The following CUBN variants were observed in gnomAD, a reference collection of about 807,000 sequenced individuals.
The protein encoded by CUBN is cubilin.
In CUBN, 282 loss-of-function variants were observed where a neutral mutation model predicts 405.3. That is an observed-to-expected ratio of 0.70 (90% CI 0.63 to 0.77). CUBN has a LOEUF of 0.77. Among genes scored for constraint, CUBN ranks in the 30% least tolerant of loss-of-function variants. The pLI is 0.00. For missense variants in CUBN, 4,514 were observed against 4,475.2 expected (o/e 1.01, Z -0.25); for synonymous variants, 1,684 against 1,617.0 (o/e 1.04, Z -0.99).
Position 16,877,031 on chromosome 10 carries a change from A to G in CUBN, c.8972T>C (p.Met2991Thr), listed in dbSNP as rs373230571. Residue 2991 changes from methionine to threonine, a missense_variant, in exon 57 of 67, where the codon ATG becomes ACG. Met to Thr is a moderately conservative substitution (Grantham distance 81). Transcript: ENST00000377833. ...GVHIIRGYSV[M>T]STPFATVCGD... ...ACACACAGTAGCAAATGGGGTGGACATGACGCTGTAACCTCTGATAATGTG... is the reference window on the plus strand; with the variant it reads ...ACACACAGTAGCAAATGGGGTGGACGTGACGCTGTAACCTCTGATAATGTG... The G allele has an allele frequency of 3.5e-5, 57 of 1,614,058 alleles. No individual in the cohort carries two copies. Among genetic ancestry groups the G allele is most frequent in the Non-Finnish European group, 4.7e-5 (55 of 1,180,032 alleles).
At chr10:17,048,406 A>G (rs1835187192) in intron 22 of CUBN, among the ~76,000 whole-genome samples, 1 of 152,154 alleles carries the variant, frequency 6.6e-6, no homozygotes, top group Admixed American at 6.5e-5. Flanking sequence ...TGTGTTTATT[A>G]CCACCCACTC....
intron 17 of CUBN, among the ~76,000 whole-genome samples, chr10:17,074,545 A>C (rs563078744): frequency 6.6e-6 from 1 of 152,306 alleles, no homozygotes; most frequent in African/African-American, 2.4e-5. Context: ...TGCAATTTTA[A>C]TGCATACTGA....
intron 14 of CUBN, among the ~76,000 whole-genome samples, chr10:17,094,780 T>C (rs1836336926): frequency 6.6e-6 from 1 of 151,998 alleles, no homozygotes; most frequent in African/African-American, 2.4e-5. Flanking sequence ...ATTGAAAGAA[T>C]ACTGTTAAAA....
At chr10:16,928,402 A>T in intron 40 of CUBN, 99 bp from the exon 41 acceptor site, 1 of 1,309,088 alleles carries the variant, frequency 7.6e-7, no homozygotes, top group Non-Finnish European at 1.1e-6. Context: ...TTTTTCTCAG[A>T]ACATCAGGAC....
At chr10:16,847,089 T>A (rs1037979612) in intron 60 of CUBN, among the ~76,000 whole-genome samples, 1 of 152,172 alleles carries the variant, frequency 6.6e-6, no homozygotes, top group South Asian at 2.1e-4. Flanking sequence ...TGCCCTTCTA[T>A]GTTGTTTCTA....
Position 17,105,503 on chromosome 10 carries a change from A to G in CUBN, c.1184T>C (p.Leu395Pro). Reference protein sequence around the residue: ...NGYGPNGCVQLSNICLSHPCL... With the variant: ...NGYGPNGCVQPSNICLSHPCL... ...GGGGTGACTTAGGCAAATATTACTG[A>G]GCTGCACACATCCATTTGGCCCATA... The change falls in exon 11 of 67, where the codon CTC becomes CCC. Residue 395 changes from leucine to proline, a missense_variant. By Grantham distance (98) the Leu-to-Pro change is moderately conservative (BLOSUM62 -3). Around this residue, in one of 5 missense-constraint regions of CUBN, gnomAD observed 1,448 missense variants for 1,388.0 expected, o/e 1.04. Coordinates refer to ENST00000377833, the MANE Select transcript of CUBN (RefSeq NM_001081.4). 1 of 1,611,960 alleles carries G rather than the reference A, an allele frequency of 6.2e-7. No individual in the cohort carries two copies. The highest frequency in any genetic ancestry group is 8.5e-7 in the Non-Finnish European group (1 of 1,177,952).
At chr10:16,897,591 T>C (rs564864521) in intron 54 of CUBN, among the ~76,000 whole-genome samples, 1 of 152,250 alleles carries the variant, frequency 6.6e-6, no homozygotes, top group African/African-American at 2.4e-5. Context: ...GACTGGCCCC[T>C]TTCTGTGACT....
At position 16,948,494 on chromosome 10, in the gene CUBN, G is replaced by T; in HGVS notation, c.5193C>A (p.Val1731=). Residue 1731 remains valine (V), a synonymous_variant, in exon 35 of 67, where the codon GTC becomes GTA. Coordinates refer to ENST00000377833, the MANE Select transcript of CUBN (RefSeq NM_001081.4). ...SISAGGFHTT[V]TASVSACGGT... is the part of the protein sequence containing the mutation. ...GTTTCTTACCCGACACTGATGCGGTGACCGTGGTGTGGAAACCCCCAGCAC... is the reference window on the plus strand; with the variant it reads ...GTTTCTTACCCGACACTGATGCGGTTACCGTGGTGTGGAAACCCCCAGCAC... The T allele has an allele frequency of 6.2e-7, 1 of 1,613,992 alleles. No homozygotes were observed. The highest frequency in any genetic ancestry group is 1.1e-5 in the South Asian group (1 of 91,044).
At chr10:16,939,436 C>A (rs1842598831) in intron 37 of CUBN, among the ~76,000 whole-genome samples, 1 of 152,068 alleles carries the variant, frequency 6.6e-6, no homozygotes, top group South Asian at 2.1e-4. Flanking sequence ...GGGTGAGCAG[C>A]CCCACTCTCT....
chr10:16,937,369 A>G (rs1479172844), intron 39 of CUBN, among the ~76,000 whole-genome samples: 3 of 152,188 alleles, frequency 2.0e-5, no homozygotes, highest in African/African-American at 7.2e-5. Flanking sequence ...TCAAGCCCCT[A>G]ATTAATATAA....
chr10:16,939,024 T>G lies in CUBN; in HGVS notation c.5672A>C (p.His1891Pro). ...TVNVNASHVV[H>P]GRILEMDIEE... The stretch of plus-strand genomic sequence containing the variant: ...TATGTCCATCTCCAAGATTCTACCA[T>G]GGACAACGTGAGATGCATTCACATT... Residue 1891 changes from histidine (H) to proline (P), a missense_variant, in exon 38 of 67, where the codon CAT becomes CCT. This residue lies in a region of CUBN where 1,613 missense variants were observed against 1,542.8 expected (regional missense o/e 1.05). Coordinates refer to ENST00000377833, the MANE Select transcript of CUBN (RefSeq NM_001081.4). 2 of 1,614,012 alleles carry G rather than the reference T, an allele frequency of 1.2e-6. No individual in the cohort carries two copies. Among genetic ancestry groups the G allele is most frequent in the Non-Finnish European group, 1.7e-6 (2 of 1,179,888 alleles).
At chr10:17,036,824 T>C (rs572431617) in intron 27 of CUBN, among the ~76,000 whole-genome samples, 2 of 152,248 alleles carry the variant, frequency 1.3e-5, no homozygotes, top group South Asian at 4.1e-4. Context: ...GCAGTGTCAA[T>C]AGAATGGTAG....
chr10:17,050,415 CA>C, intron 22 of CUBN, among the ~76,000 whole-genome samples: 1 of 152,306 alleles, frequency 6.6e-6, no homozygotes, highest in Middle Eastern at 3.4e-3. Flanking sequence ...TAGTGAATGA[CA>C]GTCCTACTGA....
chr10:17,075,721 T>C (rs1468616154), intron 17 of CUBN, among the ~76,000 whole-genome samples: 1 of 152,224 alleles, frequency 6.6e-6, no homozygotes, highest in Non-Finnish European at 1.5e-5. Flanking sequence ...CTCAGGCTCA[T>C]ACTAGTTCCT....
At chr10:16,831,172 TAA>T (rs1480201157) in intron 65 of CUBN, 78 bp downstream of exon 65, 2 of 1,247,382 alleles carry the variant, frequency 1.6e-6, no homozygotes, top group African/African-American at 3.0e-5. Flanking sequence ...GCTAAAAATA[TAA>T]AGTTACTTTG....
chr10:16,854,949 CCTTCCTCT>C (rs1839825885), intron 59 of CUBN, among the ~76,000 whole-genome samples: 1 of 149,014 alleles, frequency 6.7e-6, no homozygotes, highest in Non-Finnish European at 1.5e-5. Context: ...TCCCTCCCTC[CCTTCCTCT>C]CTTCCTCCCT....
rs547226654 is a variant in CUBN at position 17,125,247 on chromosome 10, TAC to T, written c.387+1512_387+1513del. Among the ~76,000 whole-genome samples, 14 of 152,092 alleles carry T rather than the reference TAC, an allele frequency of 9.2e-5. No homozygotes were observed. In the South Asian group the frequency reaches 2.1e-3, roughly 23 times the overall value. On this transcript the variant is annotated intron_variant, in intron 4 of 66. Transcript: ENST00000377833. ...ATGTGTCTATATATATGCACATACA[TAC>T]ACACACACATACAAATACAACATAC...
intron 29 of CUBN, among the ~76,000 whole-genome samples, chr10:16,988,798 G>A (rs769135697): frequency 3.3e-5 from 5 of 152,112 alleles, no homozygotes; most frequent in Non-Finnish European, 7.4e-5. Context: ...GCAGTGACTG[G>A]CTTCAGTTAT....
chr10:16,866,084 C>T (rs1271261097), intron 59 of CUBN, among the ~76,000 whole-genome samples: 1 of 152,106 alleles, frequency 6.6e-6, no homozygotes, highest in Non-Finnish European at 1.5e-5. Flanking sequence ...CTTGGCAACT[C>T]ACTAATTGAA....
Sources: allele counts gnomAD v4.1 joint callset (sites outside exome capture counted in the v4.1 genomes callset), GRCh38; gene constraint gnomAD v4.1.1; regional missense constraint gnomAD v4.1.1; transcripts MANE v1.5; gene names NCBI Gene and HGNC (gene_info 2026-07-23, HGNC 2026-07-21).